IQSEC3: variants seen among roughly 807,000 people sequenced by gnomAD.
The protein encoded by IQSEC3 is IQ motif and Sec7 domain ArfGEF 3.
A neutral mutation model predicts 105.4 loss-of-function variants in IQSEC3; 50 were observed. That is an observed-to-expected ratio of 0.47 (90% confidence interval 0.38 to 0.60). IQSEC3 has a LOEUF of 0.60. IQSEC3 is among the 20% of genes least tolerant of loss of function. IQSEC3 has a pLI of 0.00. For synonymous variants in IQSEC3, 708 were observed against 746.0 expected (o/e 0.95, Z 0.83); for missense variants, 1,415 against 1,630.0 (o/e 0.87, Z 2.27).
At chr12:141,002 C>T (rs1865997178) in intron 4 of IQSEC3, 122 bp from the exon 5 acceptor site, 2 of 1,010,498 alleles carry the variant, frequency 2.0e-6, no homozygotes, top group Admixed American at 4.7e-5. Flanking sequence ...GTGAGAGAAG[C>T]TTCAATGGGG....
intron 11 of IQSEC3, chr12:167,513 G>A (rs1220134319): frequency 1.3e-5 from 2 of 151,514 alleles, no homozygotes; most frequent in Non-Finnish European, 2.9e-5. Flanking sequence ...TGGAGAGAAA[G>A]GGAAGGAACA....
chr12:167,843 A>G (rs966846646), intron 11 of IQSEC3: 2 of 152,274 alleles, frequency 1.3e-5, no homozygotes, highest in Non-Finnish European at 2.9e-5. Flanking sequence ...AAGTTGTCCA[A>G]GTTCACAGTC....
At chr12:117,688 A>G (rs1555080973) in intron 2 of IQSEC3, among the ~76,000 whole-genome samples, 4 of 152,182 alleles carry the variant, frequency 2.6e-5, no homozygotes, top group African/African-American at 9.7e-5. Flanking sequence ...CCCCACCCAC[A>G]CCTTTAGGAG....
intron 1 of IQSEC3, among the ~76,000 whole-genome samples, chr12:79,740 C>T (rs546047776): frequency 6.6e-6 from 1 of 152,282 alleles, no homozygotes; most frequent in Non-Finnish European, 1.5e-5. Context: ...TGACCTAGTA[C>T]AAGATTCAAA....
At chr12:73,681 AG>A (rs1555068163) in intron 1 of IQSEC3, among the ~76,000 whole-genome samples, 1 of 151,794 alleles carries the variant, frequency 6.6e-6, no homozygotes, top group African/African-American at 2.4e-5. Context: ...CCAAAAAAAA[AG>A]AAAAAGAAAA....
intron 2 of IQSEC3, among the ~76,000 whole-genome samples, chr12:110,571 C>T (rs1864847008): frequency 6.6e-6 from 1 of 152,056 alleles, no homozygotes; most frequent in South Asian, 2.1e-4. Context: ...GGAATTTCTG[C>T]TCAGCTGGCA....
chr12:149,625 G>A (rs1268357793), intron 5 of IQSEC3, among the ~76,000 whole-genome samples: 1 of 152,204 alleles, frequency 6.6e-6, no homozygotes, highest in Non-Finnish European at 1.5e-5. Flanking sequence ...GCCCTATCTT[G>A]AAGGAGCCCG....
rs1395821339 is a variant in IQSEC3 at position 127,164 on chromosome 12, T to C, written c.903+1252T>C. 2.0e-5 allele frequency among the ~76,000 whole-genome samples: 3 copies of C among 152,330 alleles called. No homozygotes were observed. In the East Asian group the frequency reaches 5.8e-4, roughly 29 times the overall value. On this transcript the variant is annotated intron_variant, in intron 3 of 13. Coordinates refer to ENST00000538872, the MANE Select transcript of IQSEC3 (RefSeq NM_001170738.2). ...TACAAGTTACATTCACCTGGCTTTCTGATGACATAAAGCTGAAAGAGAACA... is the reference window on the plus strand; with the variant it reads ...TACAAGTTACATTCACCTGGCTTTCCGATGACATAAAGCTGAAAGAGAACA...
intron 5 of IQSEC3, among the ~76,000 whole-genome samples, chr12:145,677 C>T (rs1022820350): frequency 3.9e-5 from 6 of 152,206 alleles, no homozygotes; most frequent in Non-Finnish European, 7.3e-5. Context: ...GGCAGGCCAG[C>T]GGCAGGAGCC....
At chr12:75,494 A>G (rs1281650275) in intron 1 of IQSEC3, among the ~76,000 whole-genome samples, 4 of 152,292 alleles carry the variant, frequency 2.6e-5, no homozygotes, top group African/African-American at 7.2e-5. Flanking sequence ...GCAAGAAGTT[A>G]AAGAGCATCA....
chr12:119,187 C>T (rs1255991362), intron 2 of IQSEC3, among the ~76,000 whole-genome samples: 1 of 152,090 alleles, frequency 6.6e-6, no homozygotes, highest in Non-Finnish European at 1.5e-5. Flanking sequence ...CTTCCGTTTG[C>T]GTGAGGATTC....
At chr12:95,717 CTCTT>C (rs1178154263) in intron 1 of IQSEC3, among the ~76,000 whole-genome samples, 1 of 152,158 alleles carries the variant, frequency 6.6e-6, no homozygotes, top group Non-Finnish European at 1.5e-5. Flanking sequence ...ACTGGGATCA[CTCTT>C]TATATATTTC....
chr12:165,206 C>A (rs374082873), intron 9 of IQSEC3: 1 of 566,786 alleles, frequency 1.8e-6, no homozygotes, highest in Non-Finnish European at 3.1e-6. Flanking sequence ...CCAGCTCAGG[C>A]GCCGTGGCTT....
chr12:92,560 T>C (rs1348347037), intron 1 of IQSEC3, among the ~76,000 whole-genome samples: 5 of 152,172 alleles, frequency 3.3e-5, no homozygotes, highest in African/African-American at 1.2e-4. Context: ...GTGATTGCAC[T>C]CGGGCCTACG....
intron 2 of IQSEC3, among the ~76,000 whole-genome samples, chr12:107,502 C>G (rs567327755): frequency 6.6e-6 from 1 of 150,886 alleles, no homozygotes; most frequent in African/African-American, 2.4e-5. Context: ...CTCCGCCTCC[C>G]GGGTTCACGC....
At chr12:113,131 G>A (rs970199678) in intron 2 of IQSEC3, among the ~76,000 whole-genome samples, 3 of 152,114 alleles carry the variant, frequency 2.0e-5, no homozygotes, top group Non-Finnish European at 4.4e-5. Context: ...GCAGCTCTTA[G>A]CGTTTATCCT....
At chr12:165,567 A>T (rs782515695) in intron 10 of IQSEC3, 34 bp downstream of exon 10, 1 of 1,597,836 alleles carries the variant, frequency 6.3e-7, no homozygotes, top group Non-Finnish European at 8.6e-7. Context: ...AGTCTTTGAG[A>T]AGGAATGAAT....
chr12:136,083 T>C (rs73603110), intron 3 of IQSEC3, among the ~76,000 whole-genome samples: 6,313 of 152,328 alleles, frequency 0.041, 372 homozygotes, highest in African/African-American at 0.12. Context: ...GGGATTGTGA[T>C]AGCACTGGGA....
chr12:156,888 T>C (rs1866705088), intron 5 of IQSEC3, 137 bp from the exon 6 acceptor site: 2 of 1,111,362 alleles, frequency 1.8e-6, no homozygotes, highest in Non-Finnish European at 1.2e-6. Flanking sequence ...TCTTGGGGCA[T>C]TAAAGGGCGA....
Sources: allele counts gnomAD v4.1 joint callset (sites outside exome capture counted in the v4.1 genomes callset), GRCh38; gene constraint gnomAD v4.1.1; transcripts MANE v1.5; gene names NCBI Gene and HGNC (gene_info 2026-07-23, HGNC 2026-07-21).